Variants in OSBPL2 observed in about 807,000 individuals in gnomAD.
The protein encoded by OSBPL2 is oxysterol-binding protein-related protein 2.
In OSBPL2, 18 loss-of-function variants were observed where a neutral mutation model predicts 58.4. The ratio of observed to expected loss-of-function variants is 0.31; its 90% CI spans 0.21 to 0.46. The LOEUF (loss-of-function observed/expected upper bound fraction) is 0.46, where lower values mean the gene tolerates loss of function less well. Among genes scored for constraint, OSBPL2 ranks in the 20% least tolerant of loss-of-function variants. The probability of loss-of-function intolerance (pLI) is 1.00; values close to 1 mark genes in which losing one functional copy is unlikely to be tolerated. For missense variants in OSBPL2, 461 were observed against 616.5 expected, an observed-to-expected ratio of 0.75 and a Z score of 2.67; for synonymous variants, 221 against 234.1, an observed-to-expected ratio of 0.94 and a Z score of 0.51.
At chr20:62,281,436 C>T (rs926294265) in intron 8 of OSBPL2, 8 of 518,436 alleles carry the variant, frequency 1.5e-5, no homozygotes, top group African/African-American at 7.6e-5. Context: ...CCAGGTGCAG[C>T]GCAGTGGCCG....
chr20:62,255,277 T>C (rs1980846945), intron 1 of OSBPL2: 1 of 151,944 alleles, frequency 6.6e-6, no homozygotes, highest in Non-Finnish European at 1.5e-5. Flanking sequence ...TTTGTATTTA[T>C]AGTAGAGACA....
intron 1 of OSBPL2, among the ~76,000 whole-genome samples, chr20:62,241,726 G>A (rs1979752351): frequency 6.6e-6 from 1 of 152,238 alleles, no homozygotes; most frequent in Non-Finnish European, 1.5e-5. Context: ...ATAACATCAA[G>A]TGTCTGATAC....
chr20:62,285,469 AATCATTCCCTTTTCTAGGACCC>A (rs1412204066), intron 10 of OSBPL2: 1 of 152,198 alleles, frequency 6.6e-6, no homozygotes, highest in Non-Finnish European at 1.5e-5. Flanking sequence ...CTGCTTCTGG[AATCATTCCCTTTTCTAGGACCC>A]ATTTATTTTG....
rs976392385 is a variant in OSBPL2 at position 62,289,129 on chromosome 20, G to A, written c.1126-78G>A. ...CAGGTAGCACCTGCGGGATTTCAGG[G>A]GCCCACTGGGGGTCTTGGAGCATAG... On this transcript the variant is annotated intron_variant, in intron 11 of 13. Coordinates refer to ENST00000313733, the MANE Select transcript of OSBPL2 (RefSeq NM_144498.4). 6 of 1,529,162 alleles carry A rather than the reference G, an allele frequency of 3.9e-6. No individual in the cohort carries two copies. In the African/African-American group the frequency reaches 5.5e-5, roughly 14 times the overall value. 94.7% of individuals were successfully genotyped at this position (1,529,162 alleles called of 1,614,324 possible).
intron 8 of OSBPL2, 149 bp downstream of exon 8, chr20:62,281,314 C>T (rs1452553285): frequency 1.6e-6 from 1 of 608,764 alleles, no homozygotes; most frequent in East Asian, 2.8e-5. Flanking sequence ...TAGCAGCTGC[C>T]TAGACTTGAC....
chr20:62,242,559 C>T (rs1979801749), intron 1 of OSBPL2: 1 of 152,206 alleles, frequency 6.6e-6, no homozygotes, highest in Non-Finnish European at 1.5e-5. Context: ...ACTCTGGGAT[C>T]AGTCCTGTTG....
chr20:62,267,403 G>A (rs1204037460), intron 4 of OSBPL2, among the ~76,000 whole-genome samples: 1 of 152,174 alleles, frequency 6.6e-6, no homozygotes, highest in Admixed American at 6.5e-5. Flanking sequence ...TGGTCAGTGA[G>A]AGTCTCTTCA....
intron 8 of OSBPL2, 112 bp from the exon 9 acceptor site, chr20:62,281,678 A>G: frequency 1.4e-6 from 1 of 719,570 alleles, no homozygotes. Context: ...ACCCATTTGC[A>G]GTCACCCCCC....
chr20:62,249,393 T>A (rs1980373040), intron 1 of OSBPL2, among the ~76,000 whole-genome samples: 1 of 152,170 alleles, frequency 6.6e-6, no homozygotes, highest in Non-Finnish European at 1.5e-5. Context: ...CCTGAAATAC[T>A]CTCTCTGGGG....
chr20:62,276,013 A>G (rs1031080916), intron 6 of OSBPL2, among the ~76,000 whole-genome samples: 7 of 151,702 alleles, frequency 4.6e-5, no homozygotes, highest in African/African-American at 1.7e-4. Context: ...GGTTCAAGCA[A>G]TTCTCCTGAT....
Position 62,295,363 on chromosome 20 carries a change from G to A in OSBPL2, c.*1476G>A, listed in dbSNP as rs1315406915. 6.6e-6 allele frequency: 1 copy of A among 152,232 alleles called. No homozygotes were observed. 9.4% of individuals were successfully genotyped at this position (152,232 alleles called of 1,614,324 possible). A position where few individuals can be genotyped will look rare whatever the true frequency, so the allele number is the denominator to read the frequency against. On this transcript the variant is annotated 3_prime_UTR_variant, in exon 14 of 14. Coordinates refer to ENST00000313733, the MANE Select transcript of OSBPL2 (RefSeq NM_144498.4). The surrounding 1 kb of genome is among the most constrained non-coding windows in gnomAD (Gnocchi z 4.8). ...CACACACTCATGCACACGCTGACAC[G>A]CGGTTGCATGGAGTCCAGGTTACTC... is the stretch of plus-strand genomic sequence containing the variant.
At chr20:62,238,781 C>G (rs1003167478) in intron 1 of OSBPL2, among the ~76,000 whole-genome samples, 184 bp downstream of exon 1, 1 of 151,588 alleles carries the variant, frequency 6.6e-6, no homozygotes, top group African/African-American at 2.4e-5. Flanking sequence ...GAGGCGCGCC[C>G]GGCCTAGGCC....
Position 62,288,606 on chromosome 20 carries a change from A to G in OSBPL2, c.1126-601A>G, listed in dbSNP as rs115926276. On this transcript the variant is annotated intron_variant, in intron 11 of 13. Transcript: ENST00000313733. The surrounding 1 kb of genome is among the most constrained non-coding windows in gnomAD (Gnocchi z 4.8). Reference sequence around the variant, plus strand: ...TGGGAGGCTGTGGGTGCAGAGGCCGAAGGCTGTGGGTGCAGGGTGCTGCCG... The same window carrying G: ...TGGGAGGCTGTGGGTGCAGAGGCCGGAGGCTGTGGGTGCAGGGTGCTGCCG... 7.5e-4 allele frequency among the ~76,000 whole-genome samples: 108 copies of G among 143,166 alleles called. No individual in the cohort carries two copies. Among genetic ancestry groups the G allele is most frequent in the African/African-American group, 2.7e-3 (99 of 36,268 alleles). The allele number at this position is 143,166 out of a possible 152,430, so 93.9% of individuals were successfully genotyped here.
At chr20:62,283,557 A>G (rs1982920848) in intron 9 of OSBPL2, among the ~76,000 whole-genome samples, 1 of 152,194 alleles carries the variant, frequency 6.6e-6, no homozygotes, top group Admixed American at 6.5e-5. Context: ...GGAACCAAAG[A>G]TCAAGCAAGC....
intron 1 of OSBPL2, among the ~76,000 whole-genome samples, chr20:62,254,851 T>C (rs1432461623): frequency 1.3e-5 from 2 of 152,258 alleles, no homozygotes; most frequent in Non-Finnish European, 2.9e-5. Context: ...TGAGAAAATG[T>C]AAGTTTACTT....
rs1225427693 is a variant in OSBPL2, at chr20:62,280,002, A to T, written c.674+663A>T. 5.4e-6 allele frequency: 7 copies of T among 1,304,076 alleles called. No homozygotes were observed. The Admixed American group carries it at 9.2e-5, about 17-fold the overall frequency. The allele number at this position is 1,304,076 out of a possible 1,614,324, so 80.8% of individuals were successfully genotyped here. On this transcript the variant is annotated intron_variant, in intron 7 of 13. Coordinates refer to ENST00000313733, the MANE Select transcript of OSBPL2 (RefSeq NM_144498.4). Reference sequence around the variant, plus strand: ...TTCACTCTCAGCCTAAATGCTCCCCAATCCAGTGTCAACCAAAGACACCTC... The same window carrying T: ...TTCACTCTCAGCCTAAATGCTCCCCTATCCAGTGTCAACCAAAGACACCTC...
intron 10 of OSBPL2, chr20:62,286,300 A>ATT: frequency 3.5e-6 from 1 of 284,056 alleles, no homozygotes; most frequent in Non-Finnish European, 6.8e-6. Context: ...AGTACAAACA[A>ATT]TTAGCCGGGC....
Position 62,269,093 on chromosome 20 carries a change from G to T in OSBPL2, c.259-3032G>T, listed in dbSNP as rs1390966856. Among the ~76,000 whole-genome samples, 1 of 152,118 alleles carries T rather than the reference G, an allele frequency of 6.6e-6. No individual in the cohort carries two copies. The highest frequency in any genetic ancestry group is 1.5e-5 in the Non-Finnish European group (1 of 68,016). On this transcript the variant is annotated intron_variant, in intron 4 of 13. Coordinates refer to ENST00000313733, the MANE Select transcript of OSBPL2 (RefSeq NM_144498.4). The surrounding 1 kb of genome is among the most constrained non-coding windows in gnomAD (Gnocchi z 4.2). ...AAAAATGTTTTTTTGTAGAGACGGG[G>T]TCTCACTTTGTTGCCCAGGCTGGTC...
chr20:62,288,386 G>A lies in OSBPL2; in HGVS notation c.1126-821G>A, dbSNP rs1245749397. Among the ~76,000 whole-genome samples the A allele has an allele frequency of 1.4e-5, 2 of 145,230 alleles. No homozygotes were observed. The highest frequency in any genetic ancestry group is 4.2e-4 in the South Asian group (2 of 4,796). On this transcript the variant is annotated intron_variant, in intron 11 of 13. Coordinates refer to ENST00000313733, the MANE Select transcript of OSBPL2 (RefSeq NM_144498.4). This position sits in a 1 kb window ranked among gnomAD's most constrained non-coding sequence, Gnocchi z 4.8. ...CTGAGGGCTGCAGAGGCCGGAGGCT[G>A]TGGGTGCAGAGGCTGGGAGGCTGTG...
Sources: allele counts gnomAD v4.1 joint callset (sites outside exome capture counted in the v4.1 genomes callset), GRCh38; gene constraint gnomAD v4.1.1; non-coding constraint Gnocchi (gnomAD v3.1); transcripts MANE v1.5; gene names NCBI Gene and HGNC (gene_info 2026-07-23, HGNC 2026-07-21).